PRKCQ: variants seen among roughly 807,000 people sequenced by gnomAD.
PRKCQ encodes the protein protein kinase C theta type.
In PRKCQ, 41 loss-of-function variants were observed where a neutral mutation model predicts 91.2. That is an observed-to-expected ratio of 0.45 (90% CI 0.35 to 0.58). The LOEUF is 0.58. Among genes scored for constraint, PRKCQ ranks in the 20% least tolerant of loss-of-function variants. The pLI is 0.00. For missense variants in PRKCQ, 673 were observed against 896.5 expected (o/e 0.75, Z 3.18); for synonymous variants, 307 against 316.9 (o/e 0.97, Z 0.33).
chr10:6,467,389 C>CAG (rs1160599680), intron 12 of PRKCQ, among the ~76,000 whole-genome samples: 324 of 27,774 alleles, frequency 0.012, 27 homozygotes, highest in African/African-American at 0.014. Context: ...GAGAGACAGA[C>CAG]AGAGAGAGAG....
chr10:6,543,450 AAG>A (rs537853942), intron 1 of PRKCQ, among the ~76,000 whole-genome samples: 2,340 of 152,186 alleles, frequency 0.015, 57 homozygotes, highest in African/African-American at 0.054. Context: ...AGGAGGGAGG[AAG>A]AAGTCAGAAA....
chr10:6,567,469 G>A (rs1036035367), intron 1 of PRKCQ, among the ~76,000 whole-genome samples: 5 of 152,208 alleles, frequency 3.3e-5, no homozygotes, highest in African/African-American at 4.8e-5. Context: ...CGCGTCACCC[G>A]AATTCTGCAG....
At chr10:6,412,962 A>AT in the PRKCQ span, among the ~76,000 whole-genome samples, 1 of 135,984 alleles carries the variant, frequency 7.4e-6, no homozygotes, top group South Asian at 2.3e-4. Context: ...TTTTATTTTT[A>AT]TTTTTTTTGA....
chr10:6,421,616 G>T, the PRKCQ span, among the ~76,000 whole-genome samples: 9 of 152,148 alleles, frequency 5.9e-5, no homozygotes, highest in Admixed American at 4.6e-4. The surrounding 1 kb of genome is among the most constrained non-coding windows in gnomAD (Gnocchi z 4.1). Flanking sequence ...TCTGTTAGAC[G>T]GTGTCAGAAT....
In PRKCQ at chr10:6,512,166, T is replaced by C. The variant is rs1040960844; in HGVS notation, c.119-972A>G. On this transcript the variant is annotated intron_variant, in intron 2 of 17. Transcript: ENST00000263125. ...AAGAAATATTTACATTTTTTTCCATTTGACATAAATACAGTAAGAGACAAT... is the reference window on the plus strand; with the variant it reads ...AAGAAATATTTACATTTTTTTCCATCTGACATAAATACAGTAAGAGACAAT... 2.0e-5 allele frequency: 3 copies of C among 152,238 alleles called. No homozygotes were observed. In the East Asian group the frequency reaches 5.8e-4, roughly 29 times the overall value. The allele number at this position is 152,238 out of a possible 1,614,324, so 9.4% of individuals were successfully genotyped here.
chr10:6,554,681 CTT>C (rs1313888042), intron 1 of PRKCQ, among the ~76,000 whole-genome samples: 2 of 152,160 alleles, frequency 1.3e-5, no homozygotes, highest in Non-Finnish European at 2.9e-5. Context: ...TTCAATAAGT[CTT>C]TTATTAGAAT....
rs143551186 is a variant in PRKCQ at position 6,481,996 on chromosome 10, C to CTT, written c.1179+1442_1179+1443dup. 7.8e-4 allele frequency among the ~76,000 whole-genome samples: 111 copies of CTT among 141,882 alleles called. 1 individual carries two copies. The highest frequency in any genetic ancestry group is 3.9e-3 in the Admixed American group (55 of 14,186). The allele number at this position is 141,882 out of a possible 152,430, so 93.1% of individuals were successfully genotyped here. A position where few individuals can be genotyped will look rare whatever the true frequency, so the allele number is the denominator to read the frequency against. Reference sequence around the variant, plus strand: ...CTCTTCTTCCTTCTTCTCACCTCCCCTTTTTTTTTTTTTTGCTCCTCCTCT... The same window carrying CTT: ...CTCTTCTTCCTTCTTCTCACCTCCCCTTTTTTTTTTTTTTTTGCTCCTCCTCT... On this transcript the variant is annotated intron_variant, in intron 11 of 17. Transcript: ENST00000263125.
chr10:6,478,137 C>T (rs941535065), intron 12 of PRKCQ, among the ~76,000 whole-genome samples: 3 of 152,098 alleles, frequency 2.0e-5, no homozygotes, highest in African/African-American at 7.2e-5. Flanking sequence ...AGTTAAATCA[C>T]GTTGTAGAAT....
Position 6,510,900 on chromosome 10 carries a change from G to A in PRKCQ, c.318+95C>T, listed in dbSNP as rs188602487. 2.5e-5 allele frequency: 37 copies of A among 1,462,574 alleles called. No individual in the cohort carries two copies. In the Admixed American group the frequency reaches 6.3e-4, roughly 25 times the overall value. The allele number at this position is 1,462,574 out of a possible 1,614,324, so 90.6% of individuals were successfully genotyped here. On this transcript the variant is annotated intron_variant, in intron 3 of 17. Coordinates refer to ENST00000263125, the MANE Select transcript of PRKCQ (RefSeq NM_006257.5). Reference sequence around the variant, plus strand: ...GGGAGCCTGGTGACCCGAGGCCAGTGTAATCACACCCTCAGATTGACATGG... The same window carrying A: ...GGGAGCCTGGTGACCCGAGGCCAGTATAATCACACCCTCAGATTGACATGG...
At position 6,428,596 on chromosome 10, in the gene PRKCQ, C is replaced by T. The variant is rs533935111; in HGVS notation, c.1966-234G>A. Among the ~76,000 whole-genome samples, 3 of 152,122 alleles carry T rather than the reference C, an allele frequency of 2.0e-5. 1 individual carries two copies. The highest frequency in any genetic ancestry group is 4.2e-4 in the South Asian group (2 of 4,818). Reference sequence around the variant, plus strand: ...AATTCATAAATTCACAGAAAGACTACGACTGTAGACATTCAAATGGGATCT... The same window carrying T: ...AATTCATAAATTCACAGAAAGACTATGACTGTAGACATTCAAATGGGATCT... On this transcript the variant is annotated intron_variant, in intron 17 of 17. Coordinates refer to ENST00000263125, the MANE Select transcript of PRKCQ (RefSeq NM_006257.5).
chr10:6,497,341 C>T lies in PRKCQ; in HGVS notation c.543-90G>A. The T allele has an allele frequency of 6.9e-7, 1 of 1,449,742 alleles. No individual in the cohort carries two copies. The allele number at this position is 1,449,742 out of a possible 1,614,324, so 89.8% of individuals were successfully genotyped here. A position where few individuals can be genotyped will look rare whatever the true frequency, so the allele number is the denominator to read the frequency against. ...AGAGATGGATGAGATCTCATAACCC[C>T]CTAAGATCACAGAGCAGTTTCTGAT... On this transcript the variant is annotated intron_variant, in intron 5 of 17. Transcript: ENST00000263125. The surrounding 1 kb of genome is among the most constrained non-coding windows in gnomAD (Gnocchi z 4.5).
intron 15 of PRKCQ, among the ~76,000 whole-genome samples, chr10:6,445,121 C>CTCAAAAA (rs779476076): frequency 9.5e-6 from 1 of 105,416 alleles, no homozygotes; most frequent in Non-Finnish European, 1.8e-5. Context: ...AAGACTCTGT[C>CTCAAAAA]AAAAAAAAAA....
In PRKCQ at chr10:6,462,347, G is replaced by A. The variant is rs761409425; in HGVS notation, c.1464C>T (p.Ile488=). The A allele has an allele frequency of 3.7e-6, 6 of 1,613,840 alleles. No homozygotes were observed. Among genetic ancestry groups the A allele is most frequent in the African/African-American group, 1.3e-5 (1 of 74,930 alleles). ...AATGAAGGAACTGCAGACCAAGAAT[G>A]ATTTCAGCAGCATAAAACCTGGGGG... ...LSRATFYAAE[I]ILGLQFLHSK... is the part of the protein sequence containing the mutation. The change falls in exon 14 of 18, where the codon ATC becomes ATT. Residue 488 remains isoleucine, a synonymous_variant. Transcript: ENST00000263125.
At position 6,430,734 on chromosome 10, in the gene PRKCQ, G is replaced by A. The variant is rs1040114789; in HGVS notation, c.1965+76C>T. The A allele has an allele frequency of 1.3e-5, 21 of 1,561,262 alleles. No individual in the cohort carries two copies. Among genetic ancestry groups the A allele is most frequent in the Middle Eastern group, 1.7e-4 (1 of 5,742 alleles). On this transcript the variant is annotated intron_variant, in intron 17 of 17. Coordinates refer to ENST00000263125, the MANE Select transcript of PRKCQ (RefSeq NM_006257.5). This position sits in a 1 kb window ranked among gnomAD's most constrained non-coding sequence, Gnocchi z 4.7. The stretch of plus-strand genomic sequence containing the variant: ...GGCACCGGCAGGGGTGAGCAGCTGC[G>A]GTGACTTGGACAGGCAGACGGCCCT...
chr10:6,443,194 A>C (rs979818749), intron 15 of PRKCQ, among the ~76,000 whole-genome samples: 1 of 152,216 alleles, frequency 6.6e-6, no homozygotes, highest in Non-Finnish European at 1.5e-5. Flanking sequence ...TGGAAGGTAG[A>C]GGGCACGCGC....
chr10:6,404,301 G>A, the PRKCQ span, among the ~76,000 whole-genome samples: 2 of 133,544 alleles, frequency 1.5e-5, no homozygotes, highest in African/African-American at 5.3e-5. Context: ...CATGGCCAGA[G>A]GTCTAACTCA....
chr10:6,541,527 G>A (rs1025072661), intron 1 of PRKCQ, among the ~76,000 whole-genome samples: 5 of 152,064 alleles, frequency 3.3e-5, no homozygotes, highest in East Asian at 1.9e-4. Context: ...TACTTTTCAC[G>A]TTTCTAATAG....
chr10:6,406,440 G>A, the PRKCQ span, among the ~76,000 whole-genome samples: 2 of 152,022 alleles, frequency 1.3e-5, no homozygotes, highest in South Asian at 4.1e-4. Context: ...TCGCTCCCCA[G>A]TGGCTAAAAT....
chr10:6,472,302 C>T (rs1836022255), intron 12 of PRKCQ, among the ~76,000 whole-genome samples: 1 of 151,840 alleles, frequency 6.6e-6, no homozygotes, highest in Non-Finnish European at 1.5e-5. Context: ...AGCGAGACTC[C>T]ATCTCAGAAA....
Sources: allele counts gnomAD v4.1 joint callset (sites outside exome capture counted in the v4.1 genomes callset), GRCh38; gene constraint gnomAD v4.1.1; non-coding constraint Gnocchi (gnomAD v3.1); transcripts MANE v1.5; gene names NCBI Gene and HGNC (gene_info 2026-07-23, HGNC 2026-07-21).